The following COG6 variants were observed in gnomAD, a reference collection of about 807,000 sequenced individuals.
COG6 encodes the protein conserved oligomeric Golgi complex subunit 6.
A neutral mutation model predicts 88.8 loss-of-function variants in COG6; 74 were observed. The ratio of observed to expected loss-of-function variants is 0.83; its 90% confidence interval spans 0.69 to 1.01. The LOEUF is 1.01. Ranked by LOEUF, COG6 falls within the 50% of genes least tolerant of loss-of-function variation. The pLI is 0.00. For missense variants in COG6, 800 were observed against 797.9 expected (o/e 1.00, Z -0.03); for synonymous variants, 286 against 278.7 (o/e 1.03, Z -0.26).
chr13:39,748,741 C>T (rs1034361506), intron 18 of COG6, among the ~76,000 whole-genome samples: 1 of 152,146 alleles, frequency 6.6e-6, no homozygotes, highest in Non-Finnish European at 1.5e-5. Context: ...CTACTCTGCT[C>T]AGAAAATTTA....
rs188404536 is a variant in COG6, at chr13:39,698,971, A to G, written c.1167-530A>G. Reference sequence around the variant, plus strand: ...ATGTAATTAGCCATTTCAAAATGCTATCAGACTTTTCAATTAGTCTAAATA... The same window carrying G: ...ATGTAATTAGCCATTTCAAAATGCTGTCAGACTTTTCAATTAGTCTAAATA... On this transcript the variant is annotated intron_variant, in intron 12 of 18. Transcript: ENST00000455146. Among the ~76,000 whole-genome samples the G allele has an allele frequency of 3.4e-3, 524 of 152,042 alleles. 9 individuals carry two copies. The highest frequency in any genetic ancestry group is 0.012 in the African/African-American group (491 of 41,554).
At chr13:39,662,651 A>G (rs1186401357) in intron 3 of COG6, among the ~76,000 whole-genome samples, 1 of 152,226 alleles carries the variant, frequency 6.6e-6, no homozygotes, top group Non-Finnish European at 1.5e-5. Context: ...TCACATATAA[A>G]AGATTGCCTC....
chr13:39,788,288 C>G, intron 18 of COG6: 3 of 1,548,132 alleles, frequency 1.9e-6, no homozygotes, highest in Non-Finnish European at 2.6e-6. Context: ...AAGCAGGAAA[C>G]TGCACCATCA....
At chr13:39,787,677 A>G (rs1335905439) in intron 18 of COG6, among the ~76,000 whole-genome samples, 1 of 152,218 alleles carries the variant, frequency 6.6e-6, no homozygotes, top group Non-Finnish European at 1.5e-5. Context: ...CTATTTGTGC[A>G]GGTTCTGCAT....
At chr13:39,693,940 A>G (rs912424189) in intron 11 of COG6, among the ~76,000 whole-genome samples, 9 of 151,968 alleles carry the variant, frequency 5.9e-5, no homozygotes, top group Admixed American at 5.3e-4. Context: ...GAATGTAAGC[A>G]GTAGCTTAAG....
At chr13:39,664,608 A>G (rs1408867260) in intron 3 of COG6, among the ~76,000 whole-genome samples, 2 of 152,232 alleles carry the variant, frequency 1.3e-5, no homozygotes, top group African/African-American at 4.8e-5. Context: ...GCTAGCTCTG[A>G]TCCTCACCAA....
chr13:39,761,465 T>C (rs1881010443), intron 18 of COG6, among the ~76,000 whole-genome samples: 1 of 151,934 alleles, frequency 6.6e-6, no homozygotes, highest in African/African-American at 2.4e-5. Context: ...TTCAGTACCC[T>C]GGCCTGGGTG....
At chr13:39,744,384 C>G (rs2138133084) in intron 18 of COG6, among the ~76,000 whole-genome samples, 1 of 152,316 alleles carries the variant, frequency 6.6e-6, no homozygotes, top group Non-Finnish European at 1.5e-5. Flanking sequence ...TCTCCTTACG[C>G]TGACAAGCAA....
intron 18 of COG6, among the ~76,000 whole-genome samples, chr13:39,773,821 T>C (rs1881384499): frequency 6.6e-6 from 1 of 151,836 alleles, no homozygotes. Context: ...CATGGTGTAC[T>C]CTAATTGGTC....
chr13:39,718,060 T>C (rs1276140161), intron 13 of COG6, among the ~76,000 whole-genome samples: 1 of 152,168 alleles, frequency 6.6e-6, no homozygotes, highest in African/African-American at 2.4e-5. Flanking sequence ...TAAAATAGCT[T>C]GTTTAAAGTC....
chr13:39,732,280 GA>G (rs1447163303), intron 18 of COG6, among the ~76,000 whole-genome samples: 17 of 152,248 alleles, frequency 1.1e-4, no homozygotes, highest in Non-Finnish European at 2.1e-4. Context: ...TTATCAACTT[GA>G]TCTGTAATTA....
rs1876359351 is a variant in COG6 at position 39,682,260 on chromosome 13, T to C, written c.784T>C (p.Tyr262His). Residue 262 changes from tyrosine (Y) to histidine (H), a missense_variant, in exon 8 of 19, where the codon TAT becomes CAT. Tyr to His is a moderately conservative substitution (Grantham distance 83). Coordinates refer to ENST00000455146, the MANE Select transcript of COG6 (RefSeq NM_020751.3). ...MEALQDRPVL[Y>H]KYTLDEFGTA... ...AGCCCTGCAGGACAGACCTGTCTTA[T>C]ATAAGTTGGTGACTTTTTCTTAATT... The C allele has an allele frequency of 6.3e-7, 1 of 1,598,564 alleles. No homozygotes were observed. The highest frequency in any genetic ancestry group is 8.6e-7 in the Non-Finnish European group (1 of 1,166,416).
intron 13 of COG6, among the ~76,000 whole-genome samples, chr13:39,712,525 T>TAA (rs912412029): frequency 3.3e-5 from 5 of 152,240 alleles, no homozygotes; most frequent in Non-Finnish European, 7.3e-5. Context: ...CAACAGTTTT[T>TAA]ATTGATATCC....
intron 11 of COG6, among the ~76,000 whole-genome samples, chr13:39,691,089 CT>C (rs900989295): frequency 6.6e-6 from 1 of 151,536 alleles, no homozygotes; most frequent in Non-Finnish European, 1.5e-5. Flanking sequence ...AATTATGTTT[CT>C]TTTTACAATT....
At chr13:39,769,217 C>T (rs1402917477) in intron 18 of COG6, among the ~76,000 whole-genome samples, 1 of 152,174 alleles carries the variant, frequency 6.6e-6, no homozygotes, top group Non-Finnish European at 1.5e-5. Context: ...TAGTGTTATG[C>T]ATGAGAATTT....
At chr13:39,734,528 G>A (rs1366488185) in intron 18 of COG6, among the ~76,000 whole-genome samples, 1 of 152,074 alleles carries the variant, frequency 6.6e-6, no homozygotes, top group Admixed American at 6.6e-5. Flanking sequence ...CATATGGTCT[G>A]TCCTTGAGAA....
At chr13:39,739,024 T>C (rs1348058572) in intron 18 of COG6, among the ~76,000 whole-genome samples, 2 of 152,108 alleles carry the variant, frequency 1.3e-5, no homozygotes, top group Non-Finnish European at 2.9e-5. Context: ...TACCAATCTT[T>C]ACCTAATAGA....
intron 4 of COG6, among the ~76,000 whole-genome samples, chr13:39,666,252 G>A (rs1402558729): frequency 6.6e-6 from 1 of 152,052 alleles, no homozygotes; most frequent in Non-Finnish European, 1.5e-5. Flanking sequence ...AATAGTTTGG[G>A]TAGCTGGGCA....
intron 7 of COG6, among the ~76,000 whole-genome samples, chr13:39,680,464 A>G (rs931291796): frequency 6.6e-6 from 1 of 152,248 alleles, no homozygotes; most frequent in African/African-American, 2.4e-5. Flanking sequence ...GTAACAAATT[A>G]TTACAAACTG....
Sources: allele counts gnomAD v4.1 joint callset (sites outside exome capture counted in the v4.1 genomes callset), GRCh38; gene constraint gnomAD v4.1.1; transcripts MANE v1.5; gene names NCBI Gene and HGNC (gene_info 2026-07-23, HGNC 2026-07-21).